Variants in DCLK1 observed in about 807,000 individuals in gnomAD.
DCLK1 encodes doublecortin like kinase 1, also known as serine/threonine-protein kinase DCLK1.
Under a neutral mutation model 86.2 loss-of-function variants are expected in DCLK1, and 16 were observed. The ratio of observed to expected loss-of-function variants is 0.19; its 90% CI spans 0.13 to 0.28. The LOEUF is 0.28. Among genes scored for constraint, DCLK1 ranks in the 10% least tolerant of loss-of-function variants. The probability of loss-of-function intolerance (pLI) is 1.00; values close to 1 mark genes in which losing one functional copy is unlikely to be tolerated. For synonymous variants in DCLK1, 369 were observed against 370.5 expected, an observed-to-expected ratio of 1.00 and a Z score of 0.05; for missense variants, 590 against 940.2, an observed-to-expected ratio of 0.63 and a Z score of 4.87.
chr13:36,080,316 G>A (rs1264911557), intron 3 of DCLK1, among the ~76,000 whole-genome samples: 3 of 152,106 alleles, frequency 2.0e-5, no homozygotes, highest in African/African-American at 7.2e-5. Context: ...AAGAGAACAC[G>A]ATATCATGCA....
intron 4 of DCLK1, among the ~76,000 whole-genome samples, chr13:35,932,763 A>G (rs149550040): frequency 0.059 from 9,040 of 152,272 alleles, 864 homozygotes; most frequent in African/African-American, 0.2. Context: ...TGGGAGTACA[A>G]TTGAAGATGA....
intron 5 of DCLK1, among the ~76,000 whole-genome samples, chr13:35,856,898 G>A (rs1871093446): frequency 6.6e-6 from 1 of 152,120 alleles, no homozygotes; most frequent in Non-Finnish European, 1.5e-5. Flanking sequence ...AGGAAATTGA[G>A]GCTTACAGAT....
intron 4 of DCLK1, among the ~76,000 whole-genome samples, chr13:35,941,186 CT>C (rs1038834292): frequency 1.3e-5 from 2 of 151,970 alleles, no homozygotes; most frequent in Middle Eastern, 3.4e-3. Context: ...AAAGTAATCA[CT>C]TTTTTTTGCC....
At chr13:36,076,363 C>T (rs541579946) in intron 3 of DCLK1, among the ~76,000 whole-genome samples, 35 of 152,252 alleles carry the variant, frequency 2.3e-4, no homozygotes, top group African/African-American at 8.2e-4. Context: ...TCTTCATTTT[C>T]CCAGTCTTCC....
intron 3 of DCLK1, among the ~76,000 whole-genome samples, chr13:35,967,617 C>T (rs1354659596): frequency 1.3e-5 from 2 of 152,018 alleles, no homozygotes; most frequent in Non-Finnish European, 2.9e-5. Context: ...TAAACAGATG[C>T]TTGAAGGCAG....
Position 35,925,808 on chromosome 13 carries a change from C to T in DCLK1, c.823+21550G>A, listed in dbSNP as rs928825783. ...TACATATACGGACTCTAATTATACACGTGCATACTCTTCATTCACTCTGCA... is the reference window on the plus strand; with the variant it reads ...TACATATACGGACTCTAATTATACATGTGCATACTCTTCATTCACTCTGCA... On this transcript the variant is annotated intron_variant, in intron 4 of 16. Coordinates refer to ENST00000360631, the MANE Select transcript of DCLK1 (RefSeq NM_001330071.2). Among the ~76,000 whole-genome samples, 9 of 152,126 alleles carry T rather than the reference C, an allele frequency of 5.9e-5. No homozygotes were observed. The East Asian group carries it at 7.7e-4, about 13-fold the overall frequency.
intron 4 of DCLK1, among the ~76,000 whole-genome samples, chr13:35,895,916 C>T (rs1019628875): frequency 2.0e-4 from 25 of 125,828 alleles, no homozygotes; most frequent in African/African-American, 2.7e-4. Flanking sequence ...ATTCTACAAA[C>T]GCCAGATTGA....
intron 4 of DCLK1, among the ~76,000 whole-genome samples, chr13:35,889,646 C>T (rs188599656): frequency 1.3e-3 from 199 of 152,216 alleles, no homozygotes; most frequent in Non-Finnish European, 2.4e-3. Context: ...TTCTTTCCCC[C>T]CTTAAGATTT....
chr13:35,793,854 T>G (rs1434541337), intron 15 of DCLK1, among the ~76,000 whole-genome samples: 1 of 152,122 alleles, frequency 6.6e-6, no homozygotes. Flanking sequence ...TCTTTTTAAT[T>G]TTTTTTTCCT....
intron 3 of DCLK1, among the ~76,000 whole-genome samples, chr13:36,079,366 A>T (rs539550363): frequency 2.7e-4 from 41 of 152,326 alleles, no homozygotes; most frequent in African/African-American, 9.6e-4. Flanking sequence ...ACGGTAGCTC[A>T]TGCCTATAAT....
At chr13:35,787,404 A>G (rs998176502) in intron 16 of DCLK1, among the ~76,000 whole-genome samples, 3 of 152,028 alleles carry the variant, frequency 2.0e-5, no homozygotes, top group Non-Finnish European at 4.4e-5. Flanking sequence ...ATCAAAAACC[A>G]TCCTGCTTGT....
At chr13:35,959,087 G>A (rs754450665) in intron 3 of DCLK1, among the ~76,000 whole-genome samples, 53 of 152,266 alleles carry the variant, frequency 3.5e-4, no homozygotes, top group Middle Eastern at 3.4e-3. Context: ...ACACAACTAC[G>A]AATACAAACT....
chr13:35,957,290 C>T (rs989095767), intron 3 of DCLK1, among the ~76,000 whole-genome samples: 1 of 152,272 alleles, frequency 6.6e-6, no homozygotes, highest in Middle Eastern at 3.4e-3. Flanking sequence ...CAGGCAACAT[C>T]CTCAGATAGA....
Position 35,782,743 on chromosome 13 carries a change from T to C in DCLK1, c.2059-8044A>G, listed in dbSNP as rs75441461. Among the ~76,000 whole-genome samples, 31 of 152,336 alleles carry C rather than the reference T, an allele frequency of 2.0e-4. No individual in the cohort carries two copies. The East Asian group carries it at 4.4e-3, about 22-fold the overall frequency. On this transcript the variant is annotated intron_variant, in intron 16 of 16. Coordinates refer to ENST00000360631, the MANE Select transcript of DCLK1 (RefSeq NM_001330071.2). ...CCTCTTCTACTAGGCAGTGGAGACA[T>C]AGTTTTTAACAAGCCCTAATCCTGT...
At chr13:36,030,734 G>C (rs1882236729) in intron 3 of DCLK1, among the ~76,000 whole-genome samples, 1 of 152,044 alleles carries the variant, frequency 6.6e-6, no homozygotes, top group Admixed American at 6.6e-5. Flanking sequence ...TTTTTCAACA[G>C]AGAAAAGTTA....
chr13:35,867,963 A>AAGAAAGAGAG (rs796441369), intron 5 of DCLK1, among the ~76,000 whole-genome samples: 11 of 135,152 alleles, frequency 8.1e-5, no homozygotes, highest in African/African-American at 2.5e-4. Context: ...GAAAGAAAGA[A>AAGAAAGAGAG]AGAGAAAAAG....
At chr13:35,979,454 G>A (rs1292889326) in intron 3 of DCLK1, among the ~76,000 whole-genome samples, 1 of 152,128 alleles carries the variant, frequency 6.6e-6, no homozygotes, top group Non-Finnish European at 1.5e-5. Context: ...GCAAATGCAT[G>A]ACAGCCAATC....
intron 10 of DCLK1, among the ~76,000 whole-genome samples, chr13:35,827,299 G>A (rs1298769811): frequency 6.6e-6 from 1 of 152,210 alleles, no homozygotes; most frequent in Non-Finnish European, 1.5e-5. Flanking sequence ...AACGACAATT[G>A]TATTGGTACC....
At chr13:36,048,690 A>G (rs1170704690) in intron 3 of DCLK1, among the ~76,000 whole-genome samples, 1 of 152,206 alleles carries the variant, frequency 6.6e-6, no homozygotes, top group Non-Finnish European at 1.5e-5. Context: ...TTGGAAAATA[A>G]GAGACTTTAC....
Sources: gnomAD v4.1 joint callset for allele counts (sites outside exome capture counted in the v4.1 genomes callset) on GRCh38, gnomAD v4.1.1 for gene constraint, MANE v1.5 for transcripts, NCBI Gene and HGNC (gene_info 2026-07-23, HGNC 2026-07-21) for gene names.